RPS6KC1: variants seen among roughly 807,000 people sequenced by gnomAD.
RPS6KC1 encodes ribosomal protein S6 kinase C1, also known as inactive ribosomal protein S6 kinase delta-1.
RPS6KC1 carries 54 observed loss-of-function variants against 103.8 expected under a neutral mutation model. The observed-to-expected ratio is 0.52, with a 90% confidence interval of 0.42 to 0.65. The LOEUF (loss-of-function observed/expected upper bound fraction) is 0.65, where lower values mean the gene tolerates loss of function less well. Ranked by LOEUF, RPS6KC1 falls within the 30% of genes least tolerant of loss-of-function variation. RPS6KC1 has a pLI of 0.00. For missense variants in RPS6KC1, 1,151 were observed against 1,253.8 expected (o/e 0.92, Z 1.24); for synonymous variants, 439 against 438.7 (o/e 1.00, Z -0.01).
the RPS6KC1 span, among the ~76,000 whole-genome samples, chr1:213,568,833 T>G: frequency 6.6e-6 from 1 of 152,202 alleles, no homozygotes; most frequent in Non-Finnish European, 1.5e-5. Context: ...GTGCTCTATA[T>G]TCAAGTGCTG....
chr1:213,664,033 C>A, the RPS6KC1 span, among the ~76,000 whole-genome samples: 1 of 152,172 alleles, frequency 6.6e-6, no homozygotes, highest in African/African-American at 2.4e-5. Flanking sequence ...GCAGGGAGAG[C>A]CGCCACCTCA....
chr1:213,117,230 C>A (rs2083757564), intron 4 of RPS6KC1, 87 bp from the exon 5 acceptor site: 470 of 587,552 alleles, frequency 8.0e-4, no homozygotes, highest in East Asian at 1.1e-3. Flanking sequence ...TACATCTTTA[C>A]ACATACTTAA....
chr1:213,661,211 G>A, the RPS6KC1 span, among the ~76,000 whole-genome samples: 1 of 152,150 alleles, frequency 6.6e-6, no homozygotes, highest in African/African-American at 2.4e-5. Flanking sequence ...TAAATAAGTT[G>A]ATAACTATAG....
At chr1:213,366,698 A>G in the RPS6KC1 span, among the ~76,000 whole-genome samples, 1 of 152,234 alleles carries the variant, frequency 6.6e-6, no homozygotes, top group Admixed American at 6.5e-5. Flanking sequence ...TTCGGGTGTT[A>G]GTCCACCTGG....
At chr1:213,413,369 CTT>C in the RPS6KC1 span, among the ~76,000 whole-genome samples, 4 of 152,276 alleles carry the variant, frequency 2.6e-5, no homozygotes, top group East Asian at 7.7e-4. Context: ...TACCCTAGAA[CTT>C]AGTGTCTTAA....
the RPS6KC1 span, among the ~76,000 whole-genome samples, chr1:213,650,427 T>A: frequency 6.6e-6 from 1 of 152,210 alleles, no homozygotes; most frequent in Non-Finnish European, 1.5e-5. Context: ...AGTGATCCCC[T>A]GCAAAGCCTT....
At chr1:213,553,338 G>T in the RPS6KC1 span, among the ~76,000 whole-genome samples, 4 of 151,994 alleles carry the variant, frequency 2.6e-5, no homozygotes, top group Non-Finnish European at 4.4e-5. Flanking sequence ...GAAGGACGTG[G>T]TTTCATTCTT....
At chr1:213,589,031 G>A in the RPS6KC1 span, among the ~76,000 whole-genome samples, 2 of 152,190 alleles carry the variant, frequency 1.3e-5, no homozygotes. Context: ...TTAGAGCAGA[G>A]GAGAGAGGCA....
At chr1:213,129,971 A>AT in intron 6 of RPS6KC1, 82 bp downstream of exon 6, 3 of 1,314,164 alleles carry the variant, frequency 2.3e-6, no homozygotes, top group Non-Finnish European at 3.1e-6. Context: ...TATCTTCTGT[A>AT]TAGTCTTATG....
chr1:213,587,867 C>T, the RPS6KC1 span, among the ~76,000 whole-genome samples: 17 of 152,318 alleles, frequency 1.1e-4, 1 homozygote, highest in East Asian at 2.9e-3. Flanking sequence ...GTAGAAAATC[C>T]TTCTCCAACC....
chr1:213,386,497 T>C, the RPS6KC1 span, among the ~76,000 whole-genome samples: 2 of 152,190 alleles, frequency 1.3e-5, no homozygotes, highest in African/African-American at 4.8e-5. Context: ...CCCATATTAC[T>C]GTTCTTGTTG....
chr1:213,177,720 A>C (rs1261736481), intron 8 of RPS6KC1, among the ~76,000 whole-genome samples: 1 of 152,192 alleles, frequency 6.6e-6, no homozygotes, highest in Non-Finnish European at 1.5e-5. Context: ...TGAAGACAAT[A>C]TAGTAATTGA....
the RPS6KC1 span, among the ~76,000 whole-genome samples, chr1:213,618,235 A>G: frequency 6.6e-6 from 1 of 152,246 alleles, no homozygotes; most frequent in African/African-American, 2.4e-5. Flanking sequence ...ATCCCAGTGT[A>G]ACTTACATTT....
chr1:213,586,005 C>G, the RPS6KC1 span, among the ~76,000 whole-genome samples: 1 of 152,192 alleles, frequency 6.6e-6, no homozygotes, highest in South Asian at 2.1e-4. Context: ...CCCCCAGATA[C>G]CAGCCCTCAG....
chr1:213,654,558 A>T, the RPS6KC1 span, among the ~76,000 whole-genome samples: 1 of 152,228 alleles, frequency 6.6e-6, no homozygotes, highest in Non-Finnish European at 1.5e-5. Flanking sequence ...AATCTCAAGA[A>T]CATCCATGCT....
downstream of RPS6KC1, chr1:213,274,898 C>T (rs986838789): frequency 2.6e-5 from 4 of 152,132 alleles, no homozygotes; most frequent in African/African-American, 9.7e-5. Flanking sequence ...TCACCACTAT[C>T]CATCTCCAGG....
At chr1:213,633,936 G>C in the RPS6KC1 span, among the ~76,000 whole-genome samples, 16 of 113,120 alleles carry the variant, frequency 1.4e-4, no homozygotes, top group Admixed American at 2.0e-4. Flanking sequence ...ATCCTAGTCT[G>C]TGATAAAACA....
chr1:213,602,082 T>C, the RPS6KC1 span, among the ~76,000 whole-genome samples: 8 of 36,208 alleles, frequency 2.2e-4, 1 homozygote, highest in African/African-American at 1.3e-3. Context: ...TTCTTTCTCT[T>C]TCTTTCTTTC....
At chr1:213,585,027 A>G in the RPS6KC1 span, among the ~76,000 whole-genome samples, 1 of 152,208 alleles carries the variant, frequency 6.6e-6, no homozygotes, top group Non-Finnish European at 1.5e-5. Context: ...CTGAACTTGA[A>G]CTTCAGCTGC....
Sources: gnomAD v4.1 joint callset for allele counts (sites outside exome capture counted in the v4.1 genomes callset) on GRCh38, gnomAD v4.1.1 for gene constraint, MANE v1.5 for transcripts, NCBI Gene and HGNC (gene_info 2026-07-23, HGNC 2026-07-21) for gene names.